The following CSMD1 variants were observed in gnomAD, a reference collection of about 807,000 sequenced individuals.
The protein encoded by CSMD1 is CUB and Sushi multiple domains 1.
CSMD1 carries 213 observed loss-of-function variants against 417.5 expected under a neutral mutation model. The ratio of observed to expected loss-of-function variants is 0.51; its 90% CI spans 0.46 to 0.57. The LOEUF is 0.57. Among genes scored for constraint, CSMD1 ranks in the 20% least tolerant of loss-of-function variants. CSMD1 has a pLI of 0.00. For synonymous variants in CSMD1, 2,862 were observed against 1,736.8 expected, an observed-to-expected ratio of 1.65 and a Z score of -16.11; for missense variants, 6,923 against 4,529.7, an observed-to-expected ratio of 1.53 and a Z score of -15.17.
intron 2 of CSMD1, among the ~76,000 whole-genome samples, chr8:4,570,141 G>T (rs1019108973): frequency 3.3e-5 from 5 of 152,164 alleles, no homozygotes; most frequent in African/African-American, 1.2e-4. Context: ...TCTTTCTCTT[G>T]CCTGATTGCC....
intron 3 of CSMD1, among the ~76,000 whole-genome samples, chr8:4,105,486 A>G (rs987654915): frequency 2.0e-5 from 3 of 152,228 alleles, no homozygotes; most frequent in African/African-American, 4.8e-5. Flanking sequence ...TGAGGAAACT[A>G]TGTTCCAGAG....
intron 39 of CSMD1, among the ~76,000 whole-genome samples, chr8:3,157,650 C>T (rs554606651): frequency 3.3e-5 from 5 of 152,322 alleles, no homozygotes; most frequent in East Asian, 3.9e-4. Flanking sequence ...GGGCCGTGAG[C>T]GGGCAGTCTT....
At chr8:3,660,944 C>A (rs1370736022) in intron 7 of CSMD1, among the ~76,000 whole-genome samples, 1 of 152,142 alleles carries the variant, frequency 6.6e-6, no homozygotes, top group African/African-American at 2.4e-5. Context: ...CCTGCACACA[C>A]AAGACTGACA....
At chr8:4,500,005 A>C (rs1802174509) in intron 2 of CSMD1, among the ~76,000 whole-genome samples, 1 of 152,166 alleles carries the variant, frequency 6.6e-6, no homozygotes, top group Non-Finnish European at 1.5e-5. Flanking sequence ...CATCCACAAG[A>C]GAGAAAGAAG....
At chr8:4,152,467 C>A (rs1386258503) in intron 3 of CSMD1, among the ~76,000 whole-genome samples, 1 of 150,588 alleles carries the variant, frequency 6.6e-6, no homozygotes, top group South Asian at 2.1e-4. Context: ...TTGAGCCCAG[C>A]AGTTTGGGCC....
At chr8:4,253,152 A>G (rs576636782) in intron 3 of CSMD1, among the ~76,000 whole-genome samples, 282 of 152,340 alleles carry the variant, frequency 1.9e-3, no homozygotes, top group Non-Finnish European at 3.2e-3. Context: ...CTAAAACGAT[A>G]AACTCATTAG....
intron 50 of CSMD1, among the ~76,000 whole-genome samples, chr8:3,035,238 C>A (rs1011246585): frequency 1.3e-5 from 2 of 152,154 alleles, no homozygotes; most frequent in Non-Finnish European, 2.9e-5. Context: ...CTGCAGAGCG[C>A]GGCTGCTCCC....
intron 15 of CSMD1, 132 bp downstream of exon 15, chr8:3,405,895 G>T: frequency 1.3e-6 from 1 of 780,908 alleles, no homozygotes; most frequent in Non-Finnish European, 2.0e-6. Flanking sequence ...CACTCCTGTT[G>T]GTTAAGTGAC....
chr8:3,049,322 G>T (rs574277272), intron 50 of CSMD1, among the ~76,000 whole-genome samples: 2 of 152,148 alleles, frequency 1.3e-5, no homozygotes, highest in African/African-American at 4.8e-5. Flanking sequence ...GTAAAACTTG[G>T]AAGCAACCCA....
intron 2 of CSMD1, among the ~76,000 whole-genome samples, chr8:4,543,842 G>C (rs541439024): frequency 2.6e-5 from 4 of 152,070 alleles, no homozygotes; most frequent in African/African-American, 4.8e-5. Flanking sequence ...GAATGTGGTG[G>C]TATCTGATTA....
At chr8:4,382,277 G>A (rs559907146) in intron 3 of CSMD1, among the ~76,000 whole-genome samples, 2 of 152,132 alleles carry the variant, frequency 1.3e-5, no homozygotes, top group East Asian at 3.9e-4. Context: ...CAGCACTGGG[G>A]CTTATTGAGT....
intron 41 of CSMD1, among the ~76,000 whole-genome samples, chr8:3,123,259 G>C (rs975593054): frequency 4.6e-5 from 7 of 152,090 alleles, no homozygotes; most frequent in Non-Finnish European, 1.0e-4. Flanking sequence ...CAAATGCATA[G>C]CAAGGCCACC....
intron 4 of CSMD1, among the ~76,000 whole-genome samples, chr8:4,003,489 T>G (rs953611434): frequency 6.6e-6 from 1 of 152,152 alleles, no homozygotes; most frequent in Non-Finnish European, 1.5e-5. Context: ...AAAAAGATTT[T>G]AAATGGCAAT....
intron 3 of CSMD1, among the ~76,000 whole-genome samples, chr8:4,156,386 C>G (rs1442755022): frequency 6.6e-6 from 1 of 152,092 alleles, no homozygotes; most frequent in Non-Finnish European, 1.5e-5. Flanking sequence ...AAGCCAATGG[C>G]AAGTCCATAA....
chr8:4,296,675 C>T (rs1371304659), intron 3 of CSMD1, among the ~76,000 whole-genome samples: 1 of 146,476 alleles, frequency 6.8e-6, no homozygotes, highest in Non-Finnish European at 1.5e-5. Flanking sequence ...GGCTTGGGTC[C>T]CTGAAAACAC....
chr8:4,413,519 A>C (rs1796761323), intron 3 of CSMD1, among the ~76,000 whole-genome samples: 1 of 152,160 alleles, frequency 6.6e-6, no homozygotes, highest in Non-Finnish European at 1.5e-5. Flanking sequence ...TACTTTTAGA[A>C]AATGTTAGTG....
chr8:3,586,882 C>T (rs1240585536), intron 8 of CSMD1, among the ~76,000 whole-genome samples: 1 of 152,194 alleles, frequency 6.6e-6, no homozygotes, highest in African/African-American at 2.4e-5. Context: ...TCACTGCAAC[C>T]TCCGCCTCCG....
chr8:3,123,927 A>T (rs1817352764), intron 41 of CSMD1, among the ~76,000 whole-genome samples: 1 of 152,212 alleles, frequency 6.6e-6, no homozygotes, highest in African/African-American at 2.4e-5. Context: ...AGTACAATTA[A>T]GTTCTTTTTT....
intron 1 of CSMD1, among the ~76,000 whole-genome samples, chr8:4,927,823 G>C (rs923674146): frequency 1.3e-5 from 2 of 152,110 alleles, no homozygotes; most frequent in African/African-American, 4.8e-5. Context: ...ACACTCACCA[G>C]CAAATCCTCC....
Sources: gnomAD v4.1 joint callset for allele counts (sites outside exome capture counted in the v4.1 genomes callset) on GRCh38, gnomAD v4.1.1 for gene constraint, MANE v1.5 for transcripts, NCBI Gene and HGNC (gene_info 2026-07-23, HGNC 2026-07-21) for gene names.